The following MINAR1 variants were observed in gnomAD, a reference collection of about 807,000 sequenced individuals.
MINAR1 encodes the protein major intrinsically disordered Notch2-binding receptor 1.
Under a neutral mutation model 65.1 loss-of-function variants are expected in MINAR1, and 40 were observed. That is an observed-to-expected ratio of 0.61 (90% CI 0.48 to 0.80). The LOEUF (loss-of-function observed/expected upper bound fraction) is 0.80. Among genes scored for constraint, MINAR1 ranks in the 30% least tolerant of loss-of-function variants. The probability of loss-of-function intolerance (pLI) is 0.00; values close to 1 mark genes in which losing one functional copy is unlikely to be tolerated. For synonymous variants in MINAR1, 482 were observed against 449.1 expected (o/e 1.07, Z -0.93); for missense variants, 1,128 against 1,148.0 (o/e 0.98, Z 0.25).
intron 1 of MINAR1, among the ~76,000 whole-genome samples, chr15:79,435,263 C>T (rs1007584306): frequency 2.9e-5 from 4 of 136,992 alleles, no homozygotes; most frequent in African/African-American, 1.1e-4. Context: ...GCAACAAGAA[C>T]AAAAATCCGT....
rs1368968004 is a variant in MINAR1 at position 79,469,698 on chromosome 15, T to G, written c.*1314T>G. On this transcript the variant is annotated 3_prime_UTR_variant, in exon 4 of 4. Coordinates refer to ENST00000305428, the MANE Select transcript of MINAR1 (RefSeq NM_015206.3). ...TCTGTTTCCACCTGCTGAATGGTGCTCTGACAATAATGGAACAGAAAGAAT... is the reference window on the plus strand; with the variant it reads ...TCTGTTTCCACCTGCTGAATGGTGCGCTGACAATAATGGAACAGAAAGAAT... The G allele has an allele frequency of 3.3e-5, 5 of 152,666 alleles. No homozygotes were observed. Among genetic ancestry groups the G allele is most frequent in the Non-Finnish European group, 7.3e-5 (5 of 68,048 alleles). The allele number at this position is 152,666 out of a possible 1,614,324, so 9.5% of individuals were successfully genotyped here. A position where few individuals can be genotyped will look rare whatever the true frequency, so the allele number is the denominator to read the frequency against.
intron 1 of MINAR1, among the ~76,000 whole-genome samples, chr15:79,435,487 G>T (rs186970883): frequency 2.5e-4 from 38 of 152,282 alleles, no homozygotes; most frequent in Admixed American, 2.3e-3. Flanking sequence ...CTAGCTCAGT[G>T]TTATAAATAG....
the MINAR1 span, chr15:79,420,889 G>A: frequency 6.6e-6 from 1 of 152,330 alleles, no homozygotes; most frequent in Admixed American, 6.5e-5. Context: ...GTACGAAATA[G>A]CTTCCAGGAG....
At chr15:79,442,178 C>T (rs182233905) in intron 1 of MINAR1, among the ~76,000 whole-genome samples, 356 of 151,698 alleles carry the variant, frequency 2.3e-3, no homozygotes, top group Middle Eastern at 6.8e-3. Context: ...CTTTCACTAC[C>T]TCAAATTATC....
At position 79,457,238 on chromosome 15, in the gene MINAR1, G is replaced by C; in HGVS notation, c.1091G>C (p.Trp364Ser). 1.2e-6 allele frequency: 2 copies of C among 1,614,116 alleles called. No individual in the cohort carries two copies. Among genetic ancestry groups the C allele is most frequent in the Non-Finnish European group, 1.7e-6 (2 of 1,180,032 alleles). Residue 364 changes from tryptophan to serine, a missense_variant, in exon 2 of 4, where the codon TGG (tryptophan) becomes TCG (serine). By Grantham distance (177) the Trp-to-Ser change is radical. Coordinates refer to ENST00000305428, the MANE Select transcript of MINAR1 (RefSeq NM_015206.3). ...CLGKPNKQTP[W>S]PAKSWSLNTE... ...GGGAAGCCCAACAAGCAGACTCCCT[G>C]GCCAGCCAAAAGCTGGAGCCTAAAC... is the stretch of plus-strand genomic sequence containing the variant.
At position 79,456,347 on chromosome 15, in the gene MINAR1, A is replaced by G. The variant is rs757056495; in HGVS notation, c.200A>G (p.Asp67Gly). The change falls in exon 2 of 4, where the codon GAC (aspartate) becomes GGC (glycine). Residue 67 changes from aspartate (D) to glycine (G), a missense_variant. By Grantham distance (94) the Asp-to-Gly change is moderately conservative. Transcript: ENST00000305428. ...AATTTTCCAGCCACGCTATTCAAAG[A>G]CAAGATGAAATGCACTGTGAATAAC... Reference protein sequence around the residue: ...DPNFPATLFKDKMKCTVNNQQ... With the variant: ...DPNFPATLFKGKMKCTVNNQQ... 3.1e-6 allele frequency: 5 copies of G among 1,614,124 alleles called. No homozygotes were observed. In the African/African-American group the frequency reaches 6.7e-5, roughly 22 times the overall value.
chr15:79,464,473 C>T (rs1193980101), intron 3 of MINAR1, among the ~76,000 whole-genome samples: 1 of 152,134 alleles, frequency 6.6e-6, no homozygotes. Context: ...GAAATCGAGG[C>T]CCCAGGAAGC....
chr15:79,462,781 C>T (rs1388581927), intron 2 of MINAR1, among the ~76,000 whole-genome samples: 1 of 152,210 alleles, frequency 6.6e-6, no homozygotes, highest in Non-Finnish European at 1.5e-5. Flanking sequence ...CTCCATTTTC[C>T]TACCTGTACA....
rs192259390 is a variant in MINAR1, at chr15:79,471,263, G to A, written c.*2879G>A. 7.2e-5 allele frequency: 11 copies of A among 152,268 alleles called. No individual in the cohort carries two copies. The highest frequency in any genetic ancestry group is 1.4e-4 in the African/African-American group (6 of 41,500). 9.4% of individuals were successfully genotyped at this position (152,268 alleles called of 1,614,324 possible). ...TTACAACGTTATCAAAATTCACTTCGTTTTTCCTGCATTTTAAAAGTAATA... is the reference window on the plus strand; with the variant it reads ...TTACAACGTTATCAAAATTCACTTCATTTTTCCTGCATTTTAAAAGTAATA... On this transcript the variant is annotated 3_prime_UTR_variant, in exon 4 of 4. Coordinates refer to ENST00000305428, the MANE Select transcript of MINAR1 (RefSeq NM_015206.3).
Position 79,452,555 on chromosome 15 carries a change from AGTCTGTGTGTGTGAGTGT to A in MINAR1, c.-50-3542_-50-3525del, listed in dbSNP as rs1895251558. Among the ~76,000 whole-genome samples the A allele has an allele frequency of 4.0e-5, 5 of 124,686 alleles. No individual in the cohort carries two copies. The South Asian group carries it at 1.3e-3, about 33-fold the overall frequency. The allele number at this position is 124,686 out of a possible 152,430, so 81.8% of individuals were successfully genotyped here. ...GTGAGTGTGTGGGTGTGTGTGGGTG[AGTCTGTGTGTGTGAGTGT>A]ATGGGTGAGTCTGTGTAGGTGTGAG... On this transcript the variant is annotated intron_variant, in intron 1 of 3. Transcript: ENST00000305428.
In MINAR1 at chr15:79,432,533, C is replaced by A. The variant is rs1302806857; in HGVS notation, c.-58C>A. The A allele has an allele frequency of 6.6e-6, 1 of 152,444 alleles. No individual in the cohort carries two copies. The highest frequency in any genetic ancestry group is 1.9e-4 in the East Asian group (1 of 5,192). The allele number at this position is 152,444 out of a possible 1,614,324, so 9.4% of individuals were successfully genotyped here. ...AAGGGCGGGCCCTGCGCCCGGGGCG[C>A]CTCGGAGGTAAGTTCGGAGAGCCCG... On this transcript the variant is annotated 5_prime_UTR_variant, in exon 1 of 4. Transcript: ENST00000305428.
At chr15:79,423,667 G>A in the MINAR1 span, 4 of 152,184 alleles carry the variant, frequency 2.6e-5, no homozygotes, top group African/African-American at 7.2e-5. Context: ...TCTCAGAATG[G>A]TATAAACATT....
intron 1 of MINAR1, among the ~76,000 whole-genome samples, chr15:79,445,956 A>G (rs1295435986): frequency 6.6e-6 from 1 of 152,204 alleles, no homozygotes; most frequent in Non-Finnish European, 1.5e-5. Context: ...AGTTTAAGCT[A>G]TTTACATTTA....
chr15:79,431,327 G>C (rs77758229), upstream of MINAR1, among the ~76,000 whole-genome samples: 2 of 152,126 alleles, frequency 1.3e-5, no homozygotes, highest in African/African-American at 2.4e-5. Context: ...AGCTTCCCCA[G>C]CCACAGGGAC....
the MINAR1 span, chr15:79,413,569 TG>T: frequency 6.6e-6 from 1 of 152,270 alleles, no homozygotes. Flanking sequence ...TAAGAAACCT[TG>T]GCCTTGTCCC....
intron 1 of MINAR1, among the ~76,000 whole-genome samples, chr15:79,450,423 G>A (rs1333317894): frequency 6.6e-6 from 1 of 152,006 alleles, no homozygotes; most frequent in Non-Finnish European, 1.5e-5. Flanking sequence ...AGGGTGTGCT[G>A]TAGTTTGGAT....
At chr15:79,449,226 G>C (rs1056918740) in intron 1 of MINAR1, among the ~76,000 whole-genome samples, 1 of 152,176 alleles carries the variant, frequency 6.6e-6, no homozygotes, top group African/African-American at 2.4e-5. Flanking sequence ...AGCGTATCCT[G>C]TAGGTTGCAG....
At chr15:79,466,610 C>T (rs1440488732) in intron 3 of MINAR1, among the ~76,000 whole-genome samples, 1 of 152,116 alleles carries the variant, frequency 6.6e-6, no homozygotes, top group Admixed American at 6.5e-5. Context: ...GGTGGCAGGT[C>T]AGATACGGCC....
At chr15:79,416,549 A>G in the MINAR1 span, 3 of 152,156 alleles carry the variant, frequency 2.0e-5, no homozygotes, top group East Asian at 5.8e-4. Context: ...CTTCAGCTTC[A>G]TGGTAGTGTA....
Sources: allele counts gnomAD v4.1 joint callset (sites outside exome capture counted in the v4.1 genomes callset), GRCh38; gene constraint gnomAD v4.1.1; transcripts MANE v1.5; gene names NCBI Gene and HGNC (gene_info 2026-07-23, HGNC 2026-07-21).